GLIS3: variants seen among roughly 807,000 people sequenced by gnomAD.
The protein encoded by GLIS3 is GLIS family zinc finger 3.
A neutral mutation model predicts 78.6 loss-of-function variants in GLIS3; 53 were observed. The ratio of observed to expected loss-of-function variants is 0.67; its 90% CI spans 0.54 to 0.85. The LOEUF is 0.85. Ranked by LOEUF, GLIS3 falls within the 40% of genes least tolerant of loss-of-function variation. The pLI is 0.00. For missense variants in GLIS3, 1,703 were observed against 1,231.1 expected, an observed-to-expected ratio of 1.38 and a Z score of -5.74; for synonymous variants, 684 against 509.9, an observed-to-expected ratio of 1.34 and a Z score of -4.60.
At chr9:4,422,764 G>A in the GLIS3 span, among the ~76,000 whole-genome samples, 2 of 152,196 alleles carry the variant, frequency 1.3e-5, no homozygotes, top group African/African-American at 4.8e-5. Context: ...AGGGAGTGCT[G>A]GGGGCGGGGC....
the GLIS3 span, among the ~76,000 whole-genome samples, chr9:4,475,352 G>T: frequency 0.023 from 3,504 of 152,236 alleles, 60 homozygotes; most frequent in Admixed American, 0.035. Context: ...TTATGAAAAG[G>T]TGCTCAATCA....
Position 4,286,671 on chromosome 9 carries a change from A to G in GLIS3, c.-98-148T>C, listed in dbSNP as rs146899430. ...TATGTAGAAAAGGGTCCTCAAATAC[A>G]CGGCTCATTGGCAGGCACTCTCCCC... On this transcript the variant is annotated intron_variant, in intron 1 of 10. Transcript: ENST00000381971. 7.4e-4 allele frequency: 415 copies of G among 558,282 alleles called. 1 individual carries two copies. The highest frequency in any genetic ancestry group is 7.2e-3 in the African/African-American group (384 of 53,258). 34.6% of individuals were successfully genotyped at this position (558,282 alleles called of 1,614,324 possible). A position where few individuals can be genotyped will look rare whatever the true frequency, so the allele number is the denominator to read the frequency against.
At chr9:4,072,228 A>G (rs1439481773) in intron 4 of GLIS3, among the ~76,000 whole-genome samples, 5 of 152,226 alleles carry the variant, frequency 3.3e-5, no homozygotes, top group Non-Finnish European at 7.3e-5. Flanking sequence ...TCACCTTGAT[A>G]ATATTAGTTA....
the GLIS3 span, among the ~76,000 whole-genome samples, chr9:4,422,055 G>C: frequency 6.6e-6 from 1 of 152,230 alleles, no homozygotes; most frequent in Non-Finnish European, 1.5e-5. Flanking sequence ...TTCATATCAA[G>C]TTACAGTGTT....
At chr9:3,935,158 C>A (rs1563867420) in intron 5 of GLIS3, among the ~76,000 whole-genome samples, 1 of 152,014 alleles carries the variant, frequency 6.6e-6, no homozygotes, top group Non-Finnish European at 1.5e-5. Flanking sequence ...GAACAAGGAC[C>A]TAAATTTAAA....
chr9:4,396,870 G>T, the GLIS3 span, among the ~76,000 whole-genome samples: 1 of 151,986 alleles, frequency 6.6e-6, no homozygotes, highest in African/African-American at 2.4e-5. Flanking sequence ...GAGTACGTCT[G>T]AGCAAGTCTG....
At chr9:4,247,074 C>T (rs1428146090) in intron 2 of GLIS3, among the ~76,000 whole-genome samples, 2 of 152,124 alleles carry the variant, frequency 1.3e-5, no homozygotes, top group African/African-American at 2.4e-5. Flanking sequence ...CCATGGATGG[C>T]TTTTGTCAGC....
In GLIS3 at chr9:4,257,130, T is replaced by C. The variant is rs549846129; in HGVS notation, c.388+28908A>G. Among the ~76,000 whole-genome samples, 239 of 152,334 alleles carry C rather than the reference T, an allele frequency of 1.6e-3. 1 individual carries two copies. Among genetic ancestry groups the C allele is most frequent in the South Asian group, 1.9e-3 (9 of 4,818 alleles). On this transcript the variant is annotated intron_variant, in intron 2 of 10. Transcript: ENST00000381971. The stretch of plus-strand genomic sequence containing the variant: ...CACAACTTCTTTATCCATTTGTCTG[T>C]TGATGTGTACATATGGAGTATTATT...
At chr9:3,928,009 A>G (rs1186349525) in intron 6 of GLIS3, among the ~76,000 whole-genome samples, 1 of 152,240 alleles carries the variant, frequency 6.6e-6, no homozygotes, top group Non-Finnish European at 1.5e-5. Flanking sequence ...GAGCATCAGG[A>G]TATTCAGGTA....
chr9:4,159,286 G>C (rs746478991), intron 2 of GLIS3, among the ~76,000 whole-genome samples: 2 of 152,136 alleles, frequency 1.3e-5, no homozygotes, highest in South Asian at 2.1e-4. Context: ...GAGTTTTCTC[G>C]CATTTTGTAC....
chr9:4,253,006 T>A (rs1013987012), intron 2 of GLIS3, among the ~76,000 whole-genome samples: 1 of 152,242 alleles, frequency 6.6e-6, no homozygotes, highest in East Asian at 1.9e-4. Context: ...GGGGGGCACC[T>A]GCCAGATGCC....
intron 2 of GLIS3, among the ~76,000 whole-genome samples, chr9:4,202,807 C>T (rs1038771543): frequency 6.6e-6 from 1 of 152,142 alleles, no homozygotes; most frequent in Non-Finnish European, 1.5e-5. Context: ...TCACCATATA[C>T]AAAAATTAAG....
At chr9:4,479,005 A>T in the GLIS3 span, among the ~76,000 whole-genome samples, 4 of 152,242 alleles carry the variant, frequency 2.6e-5, no homozygotes, top group African/African-American at 9.6e-5. Flanking sequence ...AATTAGCCAA[A>T]TCCAGAATGT....
At chr9:4,405,215 T>G in the GLIS3 span, among the ~76,000 whole-genome samples, 1 of 151,850 alleles carries the variant, frequency 6.6e-6, no homozygotes, top group Non-Finnish European at 1.5e-5. Flanking sequence ...TTAGCCAGGT[T>G]TGGTGGTGCA....
At chr9:4,048,036 A>C (rs1374486145) in intron 4 of GLIS3, among the ~76,000 whole-genome samples, 5 of 152,158 alleles carry the variant, frequency 3.3e-5, no homozygotes, top group African/African-American at 9.7e-5. Context: ...CAGTGGGGAA[A>C]GGGGCCTCAC....
intron 4 of GLIS3, chr9:4,054,596 A>G (rs1448420606): frequency 2.2e-6 from 1 of 451,704 alleles, no homozygotes; most frequent in East Asian, 1.6e-4. Context: ...CCTCCTTGAC[A>G]TTCAGAGCTT....
chr9:3,895,354 G>C lies in GLIS3; in HGVS notation c.2128+3337C>G, dbSNP rs527986778. Reference sequence around the variant, plus strand: ...ACAAAAGGGCAAAAAATATAAATGAGCCATCCTTGAGGCCTGCTTATTGCT... The same window carrying C: ...ACAAAAGGGCAAAAAATATAAATGACCCATCCTTGAGGCCTGCTTATTGCT... On this transcript the variant is annotated intron_variant, in intron 7 of 10. Transcript: ENST00000381971. 2.6e-5 allele frequency among the ~76,000 whole-genome samples: 4 copies of C among 152,302 alleles called. No homozygotes were observed. In the South Asian group the frequency reaches 8.3e-4, roughly 32 times the overall value.
At chr9:4,251,044 A>G (rs763571089) in intron 2 of GLIS3, among the ~76,000 whole-genome samples, 19 of 152,214 alleles carry the variant, frequency 1.2e-4, no homozygotes, top group Non-Finnish European at 1.6e-4. Context: ...TCAATTTTAG[A>G]ATAAATGTGA....
At chr9:4,042,303 T>C (rs1192548530) in intron 4 of GLIS3, among the ~76,000 whole-genome samples, 1 of 152,106 alleles carries the variant, frequency 6.6e-6, no homozygotes, top group Non-Finnish European at 1.5e-5. Flanking sequence ...AGCCCAAGGG[T>C]CAGCAGAATA....
Sources: gnomAD v4.1 joint callset for allele counts (sites outside exome capture counted in the v4.1 genomes callset) on GRCh38, gnomAD v4.1.1 for gene constraint, MANE v1.5 for transcripts, NCBI Gene and HGNC (gene_info 2026-07-23, HGNC 2026-07-21) for gene names.